The following RAI1 variants were observed in gnomAD, a reference collection of about 807,000 sequenced individuals.
RAI1 encodes the protein retinoic acid induced 1.
In RAI1, 9 loss-of-function variants were observed where a neutral mutation model predicts 123.8. The observed-to-expected ratio is 0.07, with a 90% CI of 0.04 to 0.13. RAI1 has a LOEUF of 0.13. Ranked by LOEUF, RAI1 falls within the 10% of genes least tolerant of loss-of-function variation. The pLI is 1.00. For synonymous variants in RAI1, 1,231 were observed against 1,127.3 expected (o/e 1.09, Z -1.84); for missense variants, 2,256 against 2,545.8 (o/e 0.89, Z 2.45).
intron 2 of RAI1, among the ~76,000 whole-genome samples, chr17:17,754,856 G>A (rs2142989165): frequency 6.6e-6 from 1 of 152,302 alleles, no homozygotes; most frequent in East Asian, 1.9e-4. Flanking sequence ...GTAGGTGCTT[G>A]GTAAGCACTT....
At chr17:17,694,051 C>A (rs1273149614) in intron 1 of RAI1, among the ~76,000 whole-genome samples, 3 of 152,256 alleles carry the variant, frequency 2.0e-5, no homozygotes, top group Non-Finnish European at 4.4e-5. Context: ...TCAGTGTCTG[C>A]TCTCATCCTA....
chr17:17,771,929 G>T (rs1459649921), intron 2 of RAI1, among the ~76,000 whole-genome samples: 1 of 152,226 alleles, frequency 6.6e-6, no homozygotes, highest in Admixed American at 6.5e-5. Context: ...CACCTGCAGT[G>T]AGCCTAGGGG....
chr17:17,788,615 T>C (rs1482959846), intron 2 of RAI1, among the ~76,000 whole-genome samples: 1 of 152,152 alleles, frequency 6.6e-6, no homozygotes, highest in Non-Finnish European at 1.5e-5. Flanking sequence ...ATTTTTTTCT[T>C]GCAGCTACAA....
intron 2 of RAI1, among the ~76,000 whole-genome samples, chr17:17,771,764 G>A (rs888802502): frequency 1.3e-5 from 2 of 152,110 alleles, no homozygotes; most frequent in East Asian, 1.9e-4. Context: ...TGGGAATCTC[G>A]CTCCCTTCCA....
chr17:17,774,886 A>T (rs2031282013), intron 2 of RAI1, among the ~76,000 whole-genome samples: 1 of 152,070 alleles, frequency 6.6e-6, no homozygotes, highest in African/African-American at 2.4e-5. Flanking sequence ...AGGCACAGGG[A>T]ACTTGAGTTG....
Position 17,809,226 on chromosome 17 carries a change from G to C in RAI1, c.5660-164G>C, listed in dbSNP as rs569558460. The stretch of plus-strand genomic sequence containing the variant: ...CCGCACCCGCGCCGTGGAGTGGAGT[G>C]GAGTGTGGAGGGTTTTGTGCAGAAT... On this transcript the variant is annotated intron_variant, in intron 4 of 5. Transcript: ENST00000353383. This position sits in a 1 kb window ranked among gnomAD's most constrained non-coding sequence, Gnocchi z 4.9. 1.3e-6 allele frequency: 1 copy of C among 745,096 alleles called. No individual in the cohort carries two copies. The highest frequency in any genetic ancestry group is 2.5e-5 in the East Asian group (1 of 40,724). 46.2% of individuals were successfully genotyped at this position (745,096 alleles called of 1,614,324 possible).
In RAI1 at chr17:17,797,204, C is replaced by T. The variant is rs1223754371; in HGVS notation, c.4256C>T (p.Ser1419Phe). ...KGKLMNSKKLSSTDCFKTEAF... is the reference protein window; with the variant it reads ...KGKLMNSKKLFSTDCFKTEAF... Reference sequence around the variant, plus strand: ...AAACTCATGAACAGTAAGAAACTGTCTTCTACTGACTGTTTCAAAACCGAG... The same window carrying T: ...AAACTCATGAACAGTAAGAAACTGTTTTCTACTGACTGTTTCAAAACCGAG... The change falls in exon 3 of 6, where the codon TCT becomes TTT. Residue 1419 changes from serine to phenylalanine, a missense_variant. Ser to Phe is a radical substitution (Grantham distance 155, BLOSUM62 -2). Around this residue, in one of 7 missense-constraint regions of RAI1, gnomAD observed 410 missense variants for 374.6 expected, o/e 1.09. Coordinates refer to ENST00000353383, the MANE Select transcript of RAI1 (RefSeq NM_030665.4). 2 of 1,613,852 alleles carry T rather than the reference C, an allele frequency of 1.2e-6. No homozygotes were observed. Among genetic ancestry groups the T allele is most frequent in the East Asian group, 2.2e-5 (1 of 44,884 alleles).
chr17:17,728,147 G>C (rs778769337), intron 2 of RAI1, among the ~76,000 whole-genome samples: 3 of 151,990 alleles, frequency 2.0e-5, no homozygotes, highest in Non-Finnish European at 4.4e-5. Flanking sequence ...CCCCGAGCTC[G>C]GTCTTGTGTG....
At chr17:17,712,779 C>A (rs1220267800) in intron 1 of RAI1, among the ~76,000 whole-genome samples, 3 of 152,126 alleles carry the variant, frequency 2.0e-5, no homozygotes, top group Non-Finnish European at 4.4e-5. Context: ...ACAGTAAACA[C>A]GATACTGATT....
chr17:17,798,003 T>C lies in RAI1; in HGVS notation c.5055T>C (p.Leu1685=). Residue 1685 remains leucine, a synonymous_variant, in exon 3 of 6, where the codon CTT becomes CTC. Coordinates refer to ENST00000353383, the MANE Select transcript of RAI1 (RefSeq NM_030665.4). Reference sequence around the variant, plus strand: ...CCAAGGCCCTGAGTACCTCTTGCCTTGTTTGCTGCCTCTGCCAAAACCCGG... The same window carrying C: ...CCAAGGCCCTGAGTACCTCTTGCCTCGTTTGCTGCCTCTGCCAAAACCCGG... ...VVSKALSTSC[L]VCCLCQNPAN... is the part of the protein sequence containing the mutation. The C allele has an allele frequency of 6.2e-7, 1 of 1,614,112 alleles. No homozygotes were observed. The highest frequency in any genetic ancestry group is 8.5e-7 in the Non-Finnish European group (1 of 1,180,024).
At chr17:17,684,715 T>C (rs1213511625) in intron 1 of RAI1, 1 of 148,884 alleles carries the variant, frequency 6.7e-6, no homozygotes, top group African/African-American at 2.5e-5. Context: ...TATGTATGTA[T>C]GTATGTATAT....
In RAI1 at chr17:17,797,914, T is replaced by G; in HGVS notation, c.4966T>G (p.Ser1656Ala). 6.2e-7 allele frequency: 1 copy of G among 1,613,906 alleles called. No individual in the cohort carries two copies. Among genetic ancestry groups the G allele is most frequent in the Non-Finnish European group, 8.5e-7 (1 of 1,179,998 alleles). Reference sequence around the variant, plus strand: ...CTCCCTGGCCACACTCCCTGGAGGCTCCATCCTGCAGCCGCGGCCCTCCTT... The same window carrying G: ...CTCCCTGGCCACACTCCCTGGAGGCGCCATCCTGCAGCCGCGGCCCTCCTT... The part of the protein sequence containing the change: ...GASLATLPGG[S>A]ILQPRPSLPL... Residue 1656 changes from serine to alanine, a missense_variant, in exon 3 of 6, where the codon TCC (serine) becomes GCC (alanine). Transcript: ENST00000353383.
intron 1 of RAI1, among the ~76,000 whole-genome samples, chr17:17,704,084 T>C (rs1173034743): frequency 6.6e-6 from 1 of 152,208 alleles, no homozygotes; most frequent in Non-Finnish European, 1.5e-5. Context: ...GCCTGGGGAC[T>C]CTGCCATGGT....
Position 17,774,844 on chromosome 17 carries a change from A to G in RAI1, c.-16-18089A>G, listed in dbSNP as rs141074012. ...CTGCGCACCATCGTCTGAGGTGCATAATCTTGTGCCTGTTTGCAGATGAGG... is the reference window on the plus strand; with the variant it reads ...CTGCGCACCATCGTCTGAGGTGCATGATCTTGTGCCTGTTTGCAGATGAGG... On this transcript the variant is annotated intron_variant, in intron 2 of 5. Transcript: ENST00000353383. 6.8e-3 allele frequency among the ~76,000 whole-genome samples: 1,038 copies of G among 152,246 alleles called. 3 individuals are homozygous for G. The highest frequency in any genetic ancestry group is 0.011 in the Non-Finnish European group (747 of 68,008).
At chr17:17,700,319 T>A (rs1915175645) in intron 1 of RAI1, among the ~76,000 whole-genome samples, 1 of 151,970 alleles carries the variant, frequency 6.6e-6, no homozygotes, top group Non-Finnish European at 1.5e-5. Context: ...GCGGCCCGCC[T>A]CCTGTCGCCC....
At chr17:17,782,256 G>C (rs1347854469) in intron 2 of RAI1, 3 of 152,162 alleles carry the variant, frequency 2.0e-5, no homozygotes, top group Non-Finnish European at 4.4e-5. Flanking sequence ...CGGGCGGGCG[G>C]GCGCGCAAAC....
chr17:17,684,688 A>ATGTATG (rs1567817657), intron 1 of RAI1: 1 of 51,162 alleles, frequency 2.0e-5, no homozygotes. Context: ...ATATATATAT[A>ATGTATG]TATATATATA....
chr17:17,702,333 G>A (rs1043947233), intron 1 of RAI1, among the ~76,000 whole-genome samples: 1 of 152,172 alleles, frequency 6.6e-6, no homozygotes, highest in Admixed American at 6.5e-5. Context: ...ACAAAAGCTT[G>A]TACCACCCAC....
intron 1 of RAI1, among the ~76,000 whole-genome samples, chr17:17,692,421 G>A (rs1311650667): frequency 6.6e-6 from 1 of 152,218 alleles, no homozygotes; most frequent in Non-Finnish European, 1.5e-5. Context: ...CAGGCATTGG[G>A]TGGTCCTCGC....
Sources: allele counts gnomAD v4.1 joint callset (sites outside exome capture counted in the v4.1 genomes callset), GRCh38; gene constraint gnomAD v4.1.1; regional missense constraint gnomAD v4.1.1; non-coding constraint Gnocchi (gnomAD v3.1); transcripts MANE v1.5; gene names NCBI Gene and HGNC (gene_info 2026-07-23, HGNC 2026-07-21).